The following KIN variants were observed in gnomAD, a reference collection of about 807,000 sequenced individuals.
The protein encoded by KIN is Kin17 DNA and RNA binding protein.
In KIN, 47 loss-of-function variants were observed where a neutral mutation model predicts 63.0. The ratio of observed to expected loss-of-function variants is 0.75; its 90% CI spans 0.59 to 0.95. The LOEUF (loss-of-function observed/expected upper bound fraction) is 0.95. Among genes scored for constraint, KIN ranks in the 40% least tolerant of loss-of-function variants. The probability of loss-of-function intolerance (pLI) is 0.00; values close to 1 mark genes in which losing one functional copy is unlikely to be tolerated. For missense variants in KIN, 408 were observed against 460.9 expected, an observed-to-expected ratio of 0.89 and a Z score of 1.05; for synonymous variants, 160 against 157.7, an observed-to-expected ratio of 1.01 and a Z score of -0.11.
intron 2 of KIN, 124 bp from the exon 3 acceptor site, chr10:7,780,431 G>T: frequency 1.4e-6 from 1 of 737,058 alleles, no homozygotes; most frequent in Non-Finnish European, 2.2e-6. Context: ...TCTCGTTCTC[G>T]TCACCCAAGC....
At position 7,778,911 on chromosome 10, in the gene KIN, T is replaced by C. The variant is rs1259723412; in HGVS notation, c.485A>G (p.Asp162Gly). Residue 162 changes from aspartate (D) to glycine (G), a missense_variant, in exon 5 of 13, where the codon GAC (aspartate) becomes GGC (glycine). Asp to Gly is a moderately conservative substitution (Grantham distance 94). Around this residue, in one of 2 missense-constraint regions of KIN, gnomAD observed 298 missense variants for 296.0 expected, o/e 1.01. Coordinates refer to ENST00000379562, the MANE Select transcript of KIN (RefSeq NM_012311.4). The stretch of plus-strand genomic sequence containing the variant: ...GGCAGTTTTTTCTTCATCATCAAGG[T>C]CCTGCTTTTTCTTTTTCTCCAGTTC... ...QLELEKKKKQ[D>G]LDDEEKTAKF... is the part of the protein sequence containing the mutation. 7 of 1,614,026 alleles carry C rather than the reference T, an allele frequency of 4.3e-6. No homozygotes were observed. The highest frequency in any genetic ancestry group is 2.2e-5 in the East Asian group (1 of 44,898).
intron 7 of KIN, among the ~76,000 whole-genome samples, chr10:7,773,140 G>A (rs55807637): frequency 0.051 from 7,690 of 152,254 alleles, 654 homozygotes; most frequent in African/African-American, 0.18. Context: ...CAACAGAGCT[G>A]GAAAAGGCAA....
At position 7,753,977 on chromosome 10, in the gene KIN, A is replaced by G. The variant is rs1835283292; in HGVS notation, c.*2103T>C. On this transcript the variant is annotated 3_prime_UTR_variant, in exon 13 of 13. Coordinates refer to ENST00000379562, the MANE Select transcript of KIN (RefSeq NM_012311.4). ...CTGTGTCTGACGTCAGCTTATACCCATCCTCATGTTTGAAGTGATCATCCT... is the reference window on the plus strand; with the variant it reads ...CTGTGTCTGACGTCAGCTTATACCCGTCCTCATGTTTGAAGTGATCATCCT... 2.2e-6 allele frequency: 1 copy of G among 454,546 alleles called. No homozygotes were observed. The highest frequency in any genetic ancestry group is 4.4e-6 in the Non-Finnish European group (1 of 226,196). The allele number at this position is 454,546 out of a possible 1,614,324, so 28.2% of individuals were successfully genotyped here. A position where few individuals can be genotyped will look rare whatever the true frequency, so the allele number is the denominator to read the frequency against.
At chr10:7,765,583 TAATA>T (rs1247253431) in intron 9 of KIN, among the ~76,000 whole-genome samples, 1 of 152,122 alleles carries the variant, frequency 6.6e-6, no homozygotes, top group African/African-American at 2.4e-5. Context: ...CAATAAGCAA[TAATA>T]AATAAGCAAT....
At position 7,780,188 on chromosome 10, in the gene KIN, A is replaced by C; in HGVS notation, c.254-10T>G. On this transcript the variant is annotated splice_polypyrimidine_tract_variant and intron_variant, in intron 3 of 12. Transcript: ENST00000379562. ...TGGACCCTTTTAGTGCCTGAGAACAAAATATGACACTGATGATCATCAGAA... is the reference window on the plus strand; with the variant it reads ...TGGACCCTTTTAGTGCCTGAGAACACAATATGACACTGATGATCATCAGAA... The C allele has an allele frequency of 6.2e-7, 1 of 1,612,998 alleles. No individual in the cohort carries two copies. The highest frequency in any genetic ancestry group is 8.5e-7 in the Non-Finnish European group (1 of 1,179,384).
chr10:7,751,916 T>C lies in KIN; in HGVS notation c.*4164A>G, dbSNP rs1298999070. 2 of 1,976 alleles carry C rather than the reference T, an allele frequency of 1.0e-3. 1 individual carries two copies. Among genetic ancestry groups the C allele is most frequent in the Non-Finnish European group, 1.9e-3 (2 of 1,064 alleles). 0.1% of individuals were successfully genotyped at this position (1,976 alleles called of 1,614,324 possible). A position where few individuals can be genotyped will look rare whatever the true frequency, so the allele number is the denominator to read the frequency against. On this transcript the variant is annotated 3_prime_UTR_variant, in exon 13 of 13. Coordinates refer to ENST00000379562, the MANE Select transcript of KIN (RefSeq NM_012311.4). ...CGGGCGCGGTGGCGGGCGCCTGTAG[T>C]CCCAGCTACTCGGGAGGCTGAGGCA...
In KIN at chr10:7,755,282, A is replaced by G. The variant is rs1437236426; in HGVS notation, c.*798T>C. 6.6e-6 allele frequency: 1 copy of G among 152,260 alleles called. No individual in the cohort carries two copies. Among genetic ancestry groups the G allele is most frequent in the Non-Finnish European group, 1.5e-5 (1 of 68,042 alleles). The allele number at this position is 152,260 out of a possible 1,614,324, so 9.4% of individuals were successfully genotyped here. ...GATGAATGGACAAACAAAATACGGT[A>G]CATCCATACAGTGGAATATTAAGCA... On this transcript the variant is annotated 3_prime_UTR_variant, in exon 13 of 13. Transcript: ENST00000379562.
intron 7 of KIN, 145 bp downstream of exon 7, chr10:7,774,686 C>A: frequency 3.0e-6 from 2 of 659,550 alleles, no homozygotes; most frequent in Non-Finnish European, 5.2e-6. Context: ...AGAACAATTG[C>A]TAAAAAAACA....
Position 7,760,094 on chromosome 10 carries a change from C to T in KIN, c.1019-104G>A, listed in dbSNP as rs1835410821. 1.8e-5 allele frequency: 10 copies of T among 556,080 alleles called. No individual in the cohort carries two copies. The South Asian group carries it at 2.6e-4, about 15-fold the overall frequency. The allele number at this position is 556,080 out of a possible 1,614,324, so 34.4% of individuals were successfully genotyped here. On this transcript the variant is annotated intron_variant, in intron 11 of 12. Coordinates refer to ENST00000379562, the MANE Select transcript of KIN (RefSeq NM_012311.4). ...TACACTGAATAAACATAATAAAAAA[C>T]AAAACCCTTTTTCTTAGAAGTTCTC...
Position 7,778,851 on chromosome 10 carries a change from T to C in KIN, c.545A>G (p.Glu182Gly). 6.2e-7 allele frequency: 1 copy of C among 1,613,954 alleles called. No individual in the cohort carries two copies. Among genetic ancestry groups the C allele is most frequent in the Non-Finnish European group, 8.5e-7 (1 of 1,179,998 alleles). ...FIEEQVRRGL[E>G]GKEQEVPTFT... ...TTGCTTACCCACCTGTTCCTTCCCT[T>C]CCAGGCCTCTTCTCACTTGCTCTTC... is the stretch of plus-strand genomic sequence containing the variant. The change falls in exon 5 of 13, where the codon GAA becomes GGA. Residue 182 changes from glutamate to glycine, a missense_variant. Glu to Gly is a moderately conservative substitution (Grantham distance 98). This residue lies in a region of KIN where 298 missense variants were observed against 296.0 expected (regional missense o/e 1.01). Coordinates refer to ENST00000379562, the MANE Select transcript of KIN (RefSeq NM_012311.4).
chr10:7,780,868 G>A (rs1271373189), intron 2 of KIN, among the ~76,000 whole-genome samples: 1 of 152,214 alleles, frequency 6.6e-6, no homozygotes, highest in Non-Finnish European at 1.5e-5. Flanking sequence ...AGCAGTCATA[G>A]AAACAGTTAC....
At chr10:7,780,231 A>G (rs531735361) in intron 3 of KIN, 33 bp downstream of exon 3, 1 of 1,610,532 alleles carries the variant, frequency 6.2e-7, no homozygotes, top group African/African-American at 1.3e-5. Flanking sequence ...CCATTTATAA[A>G]GCTGTTATTT....
intron 8 of KIN, 41 bp from the exon 9 acceptor site, chr10:7,766,144 C>T: frequency 2.1e-6 from 3 of 1,404,260 alleles, no homozygotes; most frequent in South Asian, 1.2e-5. Flanking sequence ...CCCTAAAATC[C>T]TCATTGGATT....
chr10:7,777,375 G>A, intron 5 of KIN, among the ~76,000 whole-genome samples: 1 of 152,198 alleles, frequency 6.6e-6, no homozygotes, highest in East Asian at 1.9e-4. Context: ...AACCCTCTGG[G>A]ATACTAGAAA....
intron 8 of KIN, among the ~76,000 whole-genome samples, chr10:7,768,518 G>A (rs1835597724): frequency 6.7e-6 from 1 of 149,814 alleles, no homozygotes; most frequent in Non-Finnish European, 1.5e-5. Context: ...GAGAGAGACT[G>A]TCTCAACAAC....
chr10:7,761,586 C>T (rs948767060), intron 11 of KIN: 1 of 152,198 alleles, frequency 6.6e-6, no homozygotes, highest in African/African-American at 2.4e-5. Context: ...GTGCTGACAT[C>T]ATGCCACAAG....
chr10:7,787,817 C>T lies in KIN; in HGVS notation c.114+3G>A. 2 of 1,608,034 alleles carry T rather than the reference C, an allele frequency of 1.2e-6. No individual in the cohort carries two copies. The highest frequency in any genetic ancestry group is 1.7e-6 in the Non-Finnish European group (2 of 1,174,520). ...AAGACGGGGCCACTCCGGGCCCACT[C>T]ACCTCGTCCCGGCACTGCTTCTGGC... On this transcript the variant is annotated splice_donor_region_variant and intron_variant, in intron 1 of 12. Transcript: ENST00000379562.
chr10:7,781,985 G>A (rs1476655328), intron 2 of KIN, among the ~76,000 whole-genome samples: 1 of 152,070 alleles, frequency 6.6e-6, no homozygotes, highest in Non-Finnish European at 1.5e-5. Flanking sequence ...TTGAACCCAG[G>A]AGGCAGAGGT....
At chr10:7,761,267 A>G (rs1835430502) in intron 11 of KIN, 1 of 152,224 alleles carries the variant, frequency 6.6e-6, no homozygotes, top group Non-Finnish European at 1.5e-5. Flanking sequence ...TAATCTGTAA[A>G]AAGAATTTTT....
Sources: allele counts gnomAD v4.1 joint callset (sites outside exome capture counted in the v4.1 genomes callset), GRCh38; gene constraint gnomAD v4.1.1; regional missense constraint gnomAD v4.1.1; transcripts MANE v1.5; gene names NCBI Gene and HGNC (gene_info 2026-07-23, HGNC 2026-07-21).